ADAMTS9: variants seen among roughly 807,000 people sequenced by gnomAD.
ADAMTS9 encodes the protein A disintegrin and metalloproteinase with thrombospondin motifs 9.
In ADAMTS9, 107 loss-of-function variants were observed where a neutral mutation model predicts 257.1. The observed-to-expected ratio is 0.42, with a 90% CI of 0.36 to 0.49. The LOEUF is 0.49. Among genes scored for constraint, ADAMTS9 ranks in the 20% least tolerant of loss-of-function variants. ADAMTS9 has a pLI of 0.03. For missense variants in ADAMTS9, 2,353 were observed against 2,469.1 expected, an observed-to-expected ratio of 0.95 and a Z score of 1.00; for synonymous variants, 982 against 880.9, an observed-to-expected ratio of 1.11 and a Z score of -2.03.
At chr3:64,601,495 C>A (rs1020502514) in intron 26 of ADAMTS9, among the ~76,000 whole-genome samples, 1 of 152,140 alleles carries the variant, frequency 6.6e-6, no homozygotes, top group Non-Finnish European at 1.5e-5. Context: ...AGGACAATGA[C>A]CTACTACTAC....
At position 64,639,192 on chromosome 3, in the gene ADAMTS9, G is replaced by C. The variant is rs1466283101; in HGVS notation, c.1856+2656C>G. On this transcript the variant is annotated intron_variant, in intron 12 of 39. Coordinates refer to ENST00000498707, the MANE Select transcript of ADAMTS9 (RefSeq NM_182920.2). ...AGCCATTGTAACCTCCGTATTCAGA[G>C]GCAGTCTCCTTCCTCAATTAACAGG... 4.6e-5 allele frequency among the ~76,000 whole-genome samples: 7 copies of C among 151,264 alleles called. No individual in the cohort carries two copies. In the Admixed American group the frequency reaches 4.6e-4, roughly 10 times the overall value.
At chr3:64,615,621 A>T in intron 20 of ADAMTS9, 136 bp from the exon 21 acceptor site, 1 of 949,670 alleles carries the variant, frequency 1.1e-6, no homozygotes, top group Non-Finnish European at 1.5e-6. Context: ...TTTGGTGGAG[A>T]TCTTTTCATG....
intron 39 of ADAMTS9, 124 bp from the exon 40 acceptor site, chr3:64,517,245 A>AT (rs1464751514): frequency 6.6e-6 from 1 of 151,822 alleles, no homozygotes; most frequent in East Asian, 1.9e-4. Context: ...TCTAGATTTT[A>AT]TTTTTATTTT....
intron 28 of ADAMTS9, among the ~76,000 whole-genome samples, chr3:64,579,345 A>C (rs2083935170): frequency 6.6e-6 from 1 of 152,126 alleles, no homozygotes; most frequent in Non-Finnish European, 1.5e-5. Flanking sequence ...CTTAATGGAG[A>C]CTTCCCTAAA....
intron 28 of ADAMTS9, chr3:64,586,601 C>G (rs1476689631): frequency 6.6e-6 from 1 of 152,124 alleles, no homozygotes; most frequent in Non-Finnish European, 1.5e-5. Context: ...AGGAAGAGAA[C>G]TGATGGCAAT....
intron 32 of ADAMTS9, among the ~76,000 whole-genome samples, chr3:64,542,241 A>ACACACG (rs1553701062): frequency 4.6e-5 from 7 of 151,680 alleles, no homozygotes; most frequent in Non-Finnish European, 8.8e-5. Flanking sequence ...ACACACACAC[A>ACACACG]TAATTTTTTC....
intron 29 of ADAMTS9, among the ~76,000 whole-genome samples, chr3:64,564,022 C>A (rs1292900008): frequency 6.6e-6 from 1 of 152,176 alleles, no homozygotes; most frequent in East Asian, 1.9e-4. Flanking sequence ...CTGTGTGACC[C>A]CGGAGGCAGT....
chr3:64,598,946 A>G (rs747013443), intron 26 of ADAMTS9, among the ~76,000 whole-genome samples: 15 of 152,082 alleles, frequency 9.9e-5, no homozygotes, highest in Non-Finnish European at 2.1e-4. Context: ...CCAGTTAAAG[A>G]TTCTGGAAGA....
At chr3:64,555,689 G>A (rs2083324404) in intron 30 of ADAMTS9, among the ~76,000 whole-genome samples, 1 of 152,134 alleles carries the variant, frequency 6.6e-6, no homozygotes, top group Non-Finnish European at 1.5e-5. Context: ...GCAAAGGTGG[G>A]CCCAGGTAGC....
At position 64,686,825 on chromosome 3, in the gene ADAMTS9, C is replaced by T. The variant is rs61735958; in HGVS notation, c.259G>A (p.Ala87Thr). 1 of 1,613,874 alleles carries T rather than the reference C, an allele frequency of 6.2e-7. No individual in the cohort carries two copies. The highest frequency in any genetic ancestry group is 1.3e-5 in the African/African-American group (1 of 74,874). Residue 87 changes from alanine to threonine, a missense_variant, in exon 2 of 40, where the codon GCC becomes ACC. Physicochemically the swap from Ala to Thr is moderately conservative, Grantham distance 58 (BLOSUM62 0). Transcript: ENST00000498707. This position sits in a 1 kb window ranked among gnomAD's most constrained non-coding sequence, Gnocchi z 4.6. ...NSATDPWPAF[A>T]SSSSSSTSSQ... The stretch of plus-strand genomic sequence containing the variant: ...GAGGTAGAGGAGGAAGAGGAGGAGG[C>T]GAAGGCAGGCCAGGGGTCAGTGGCA...
At chr3:64,587,129 C>G (rs756804202) in intron 28 of ADAMTS9, 1 of 152,150 alleles carries the variant, frequency 6.6e-6, no homozygotes, top group Non-Finnish European at 1.5e-5. Flanking sequence ...CCTGGAGTTA[C>G]TACTCTCAAG....
At chr3:64,596,703 T>G in intron 27 of ADAMTS9, 127 bp downstream of exon 27, 1 of 1,131,754 alleles carries the variant, frequency 8.8e-7, no homozygotes, top group Non-Finnish European at 1.3e-6. Context: ...ACAGGTTTCC[T>G]AGTTAATCCC....
chr3:64,564,197 T>C (rs1015973499), intron 29 of ADAMTS9, among the ~76,000 whole-genome samples: 14 of 152,214 alleles, frequency 9.2e-5, no homozygotes, highest in Admixed American at 7.9e-4. Flanking sequence ...GGTTTCAAAG[T>C]AGACGTTTTT....
intron 16 of ADAMTS9, among the ~76,000 whole-genome samples, chr3:64,624,009 T>A (rs890617506): frequency 6.6e-6 from 1 of 150,476 alleles, no homozygotes; most frequent in African/African-American, 2.5e-5. Flanking sequence ...AGTTATGGAA[T>A]CTAAAATAGT....
rs916833843 is a variant in ADAMTS9, at chr3:64,647,358, T to C, written c.1710+582A>G. ...CTAGGTGCATGAGACACTGTTACCATTGGGCCACAAAAGTAGCAGATTTTG... is the reference window on the plus strand; with the variant it reads ...CTAGGTGCATGAGACACTGTTACCACTGGGCCACAAAAGTAGCAGATTTTG... On this transcript the variant is annotated intron_variant, in intron 11 of 39. Coordinates refer to ENST00000498707, the MANE Select transcript of ADAMTS9 (RefSeq NM_182920.2). 7.2e-5 allele frequency among the ~76,000 whole-genome samples: 11 copies of C among 152,332 alleles called. No homozygotes were observed. The South Asian group carries it at 2.3e-3, about 32-fold the overall frequency.
chr3:64,647,237 T>G (rs1227037224), intron 11 of ADAMTS9, among the ~76,000 whole-genome samples: 1 of 152,172 alleles, frequency 6.6e-6, no homozygotes, highest in Non-Finnish European at 1.5e-5. Flanking sequence ...CTAAAACTTT[T>G]TGTTACCAAA....
intron 32 of ADAMTS9, among the ~76,000 whole-genome samples, chr3:64,543,260 C>T (rs1409757249): frequency 2.0e-5 from 3 of 152,218 alleles, no homozygotes; most frequent in African/African-American, 7.2e-5. Context: ...CTCCCTAACA[C>T]ATTTTATGAG....
chr3:64,668,550 C>G (rs1701404804), intron 3 of ADAMTS9, among the ~76,000 whole-genome samples: 1 of 152,166 alleles, frequency 6.6e-6, no homozygotes, highest in African/African-American at 2.4e-5. Flanking sequence ...GTTTCCTCAT[C>G]TGTGAAAAGG....
At chr3:64,555,499 T>C (rs2083322162) in intron 30 of ADAMTS9, among the ~76,000 whole-genome samples, 1 of 152,160 alleles carries the variant, frequency 6.6e-6, no homozygotes, top group Non-Finnish European at 1.5e-5. Flanking sequence ...GGGTGGCAGC[T>C]ATTCCCAACT....
Sources: allele counts gnomAD v4.1 joint callset (sites outside exome capture counted in the v4.1 genomes callset), GRCh38; gene constraint gnomAD v4.1.1; non-coding constraint Gnocchi (gnomAD v3.1); transcripts MANE v1.5; gene names NCBI Gene and HGNC (gene_info 2026-07-23, HGNC 2026-07-21).